CCDC179: variants seen among roughly 807,000 people sequenced by gnomAD.
CCDC179 encodes the protein coiled-coil domain containing 179, also known as coiled-coil domain-containing protein 179.
A neutral mutation model predicts 12.0 loss-of-function variants in CCDC179; 17 were observed. That is an observed-to-expected ratio of 1.42 (90% confidence interval 0.97 to 2.13). CCDC179 has a LOEUF of 2.13. CCDC179 is among the 30% of genes most tolerant of loss of function. The pLI is 0.00. For synonymous variants in CCDC179, 27 were observed against 26.4 expected (o/e 1.02, Z -0.07); for missense variants, 83 against 78.6 (o/e 1.06, Z -0.21).
rs1271782659 is a variant in CCDC179 at position 22,850,965 on chromosome 11, TATATATA to T, written c.196-3451_196-3445del. ...CTATATATATATATATATATATATA[TATATATA>T]TATATTTTTTTTTTTTTTTTTTTTT... On this transcript the variant is annotated intron_variant, in intron 3 of 3. Coordinates refer to ENST00000532798, the MANE Select transcript of CCDC179 (RefSeq NM_001195637.2). Among the ~76,000 whole-genome samples, 132 of 22,566 alleles carry T rather than the reference TATATATA, an allele frequency of 5.8e-3. 1 individual carries two copies. Among genetic ancestry groups the T allele is most frequent in the African/African-American group, 0.018 (125 of 6,902 alleles). The allele number at this position is 22,566 out of a possible 152,430, so 14.8% of individuals were successfully genotyped here. A position where few individuals can be genotyped will look rare whatever the true frequency, so the allele number is the denominator to read the frequency against.
At position 22,847,762 on chromosome 11, in the gene CCDC179, A is replaced by G. The variant is rs1858259642; in HGVS notation, c.196-241T>C. 3.3e-5 allele frequency among the ~76,000 whole-genome samples: 5 copies of G among 152,312 alleles called. No individual in the cohort carries two copies. In the South Asian group the frequency reaches 1.0e-3, roughly 32 times the overall value. On this transcript the variant is annotated intron_variant, in intron 3 of 3. Coordinates refer to ENST00000532798, the MANE Select transcript of CCDC179 (RefSeq NM_001195637.2). ...TCAAATAAATCATATCTGAAGATGG[A>G]TATGATATAAAACAATTCTCTATAA...
chr11:22,850,256 T>G (rs1342175270), intron 3 of CCDC179, among the ~76,000 whole-genome samples: 1 of 152,218 alleles, frequency 6.6e-6, no homozygotes, highest in Non-Finnish European at 1.5e-5. Flanking sequence ...GGAGCTGCTT[T>G]TCATTAAAGG....
In CCDC179 at chr11:22,848,409, AC is replaced by A. The variant is rs567002600; in HGVS notation, c.196-889del. ...CAGTGAGCAGAGATTGTGCCACTGCACCCCAGCCTGGCCGACAGAGGGAGAC... is the reference window on the plus strand; with the variant it reads ...CAGTGAGCAGAGATTGTGCCACTGCACCCAGCCTGGCCGACAGAGGGAGAC... On this transcript the variant is annotated intron_variant, in intron 3 of 3. Transcript: ENST00000532798. 1.2e-4 allele frequency among the ~76,000 whole-genome samples: 18 copies of A among 152,158 alleles called. No homozygotes were observed. In the East Asian group the frequency reaches 3.5e-3, roughly 30 times the overall value.
rs943432639 is a variant in CCDC179, at chr11:22,847,247, T to A, written c.*263A>T. On this transcript the variant is annotated 3_prime_UTR_variant, in exon 4 of 4. Transcript: ENST00000532798. ...ATAATATTTTTCAAAAGTCTACCTA[T>A]ACATATTCATTATTATTTGTTGAAA... 7 of 309,018 alleles carry A rather than the reference T, an allele frequency of 2.3e-5. No homozygotes were observed. In the Admixed American group the frequency reaches 3.0e-4, roughly 13 times the overall value. 19.1% of individuals were successfully genotyped at this position (309,018 alleles called of 1,614,324 possible).
intron 3 of CCDC179, among the ~76,000 whole-genome samples, chr11:22,848,832 T>C (rs1238706673): frequency 6.6e-6 from 1 of 152,196 alleles, no homozygotes; most frequent in African/African-American, 2.4e-5. Context: ...CATTATCACT[T>C]TGAGACAAGA....
chr11:22,852,582 G>A (rs748140116), intron 3 of CCDC179, among the ~76,000 whole-genome samples: 9 of 152,130 alleles, frequency 5.9e-5, no homozygotes, highest in Non-Finnish European at 1.3e-4. Flanking sequence ...AGCTCAACTA[G>A]TCCTGTGGTC....
chr11:22,851,313 A>C (rs1858398974), intron 3 of CCDC179, among the ~76,000 whole-genome samples: 2 of 151,948 alleles, frequency 1.3e-5, no homozygotes, highest in South Asian at 4.2e-4. Context: ...TTGAACTTTT[A>C]CTCATAATAT....
intron 3 of CCDC179, among the ~76,000 whole-genome samples, chr11:22,848,228 G>C (rs964946662): frequency 1.3e-5 from 2 of 152,178 alleles, no homozygotes; most frequent in African/African-American, 4.8e-5. Flanking sequence ...AGGATTACCT[G>C]AGGCCAGGAA....
chr11:22,860,307 C>T, intron 1 of CCDC179, 70 bp downstream of exon 1: 3 of 1,494,772 alleles, frequency 2.0e-6, no homozygotes, highest in Non-Finnish European at 2.7e-6. Flanking sequence ...TGGCCAAGGC[C>T]ACAGTGGCCT....
intron 3 of CCDC179, among the ~76,000 whole-genome samples, chr11:22,853,057 G>A (rs11026814): frequency 0.19 from 28,868 of 152,024 alleles, 3,193 homozygotes; most frequent in African/African-American, 0.31. Flanking sequence ...AAATAAGGAG[G>A]AAGACAAAAC....
chr11:22,858,067 G>C, intron 2 of CCDC179, 41 bp from the exon 3 acceptor site: 1 of 1,284,972 alleles, frequency 7.8e-7, no homozygotes, highest in Non-Finnish European at 1.1e-6. Context: ...ATACTTTTTT[G>C]TAACATATAA....
Position 22,847,470 on chromosome 11 carries a change from T to G in CCDC179, c.*40A>C. ...TTGATGTTCACAATCCACATATTTC[T>G]GTCTGGAGCATGGTTTCCTTCAAAT... On this transcript the variant is annotated 3_prime_UTR_variant, in exon 4 of 4. Transcript: ENST00000532798. 7.4e-7 allele frequency: 1 copy of G among 1,354,378 alleles called. No homozygotes were observed. The highest frequency in any genetic ancestry group is 9.9e-7 in the Non-Finnish European group (1 of 1,012,050). 83.9% of individuals were successfully genotyped at this position (1,354,378 alleles called of 1,614,324 possible). A position where few individuals can be genotyped will look rare whatever the true frequency, so the allele number is the denominator to read the frequency against.
Position 22,852,280 on chromosome 11 carries a change from C to G in CCDC179, c.196-4759G>C, listed in dbSNP as rs1485558769. Among the ~76,000 whole-genome samples the G allele has an allele frequency of 2.0e-5, 3 of 152,284 alleles. No individual in the cohort carries two copies. The East Asian group carries it at 5.8e-4, about 29-fold the overall frequency. On this transcript the variant is annotated intron_variant, in intron 3 of 3. Transcript: ENST00000532798. ...GCCCTTGGTTATTCCAGGGCATGGA[C>G]AAAGCTAACTATAGGAGAAATTTAG...
Position 22,859,504 on chromosome 11 carries a change from A to G in CCDC179, c.46-8T>C, listed in dbSNP as rs1858612660. On this transcript the variant is annotated splice_region_variant and splice_polypyrimidine_tract_variant and intron_variant, in intron 1 of 3. Transcript: ENST00000532798. ...ATGTTGTCTTGGTCCTTCCTATATA[A>G]TAAACAAAATTAAAACACATTCACA... 2.1e-6 allele frequency: 3 copies of G among 1,457,128 alleles called. No homozygotes were observed. Among genetic ancestry groups the G allele is most frequent in the African/African-American group, 1.4e-5 (1 of 71,602 alleles). 90.3% of individuals were successfully genotyped at this position (1,457,128 alleles called of 1,614,324 possible).
chr11:22,860,331 C>G, intron 1 of CCDC179, 46 bp downstream of exon 1: 9 of 1,529,910 alleles, frequency 5.9e-6, no homozygotes, highest in Non-Finnish European at 7.9e-6. Context: ...GCTCAAGGCA[C>G]AGGACAGAGT....
chr11:22,855,866 A>G (rs1858518337), intron 3 of CCDC179, among the ~76,000 whole-genome samples: 1 of 151,440 alleles, frequency 6.6e-6, no homozygotes, highest in Admixed American at 6.6e-5. Context: ...CAATCCCATG[A>G]ACATTAAAAG....
chr11:22,857,678 G>C (rs1245624661), intron 3 of CCDC179, among the ~76,000 whole-genome samples: 1 of 151,684 alleles, frequency 6.6e-6, no homozygotes, highest in Non-Finnish European at 1.5e-5. Flanking sequence ...GGCAAAACAA[G>C]AAGTGGAGTC....
At chr11:22,858,842 A>G (rs1400872718) in intron 2 of CCDC179, among the ~76,000 whole-genome samples, 1 of 152,112 alleles carries the variant, frequency 6.6e-6, no homozygotes, top group Non-Finnish European at 1.5e-5. Flanking sequence ...AAGAGAAAGG[A>G]TTAATGAACT....
chr11:22,847,510 T>C lies in CCDC179; in HGVS notation c.207A>G (p.Ter69TrpextTer1), dbSNP rs1344811584. Residue 69 changes from the stop codon to tryptophan (W), a stop_lost, in exon 4 of 4, where the codon TGA becomes TGG. Coordinates refer to ENST00000532798, the MANE Select transcript of CCDC179 (RefSeq NM_001195637.2). ...TTCCTTCAAATAGACTCCTGCTTTATCAAGATGACCACTAGACAAGATTAA... is the reference window on the plus strand; with the variant it reads ...TTCCTTCAAATAGACTCCTGCTTTACCAAGATGACCACTAGACAAGATTAA... ...IPEPGLLWSS[*>W] 3 of 1,435,432 alleles carry C rather than the reference T, an allele frequency of 2.1e-6. No homozygotes were observed. Among genetic ancestry groups the C allele is most frequent in the Non-Finnish European group, 2.8e-6 (3 of 1,081,238 alleles). 88.9% of individuals were successfully genotyped at this position (1,435,432 alleles called of 1,614,324 possible). A position where few individuals can be genotyped will look rare whatever the true frequency, so the allele number is the denominator to read the frequency against.
Sources: allele counts gnomAD v4.1 joint callset (sites outside exome capture counted in the v4.1 genomes callset), GRCh38; gene constraint gnomAD v4.1.1; transcripts MANE v1.5; gene names NCBI Gene and HGNC (gene_info 2026-07-23, HGNC 2026-07-21).